The following VWC2L variants were observed in gnomAD, a reference collection of about 807,000 sequenced individuals.
The protein encoded by VWC2L is von Willebrand factor C domain containing 2 like.
Under a neutral mutation model 21.6 loss-of-function variants are expected in VWC2L, and 10 were observed. The ratio of observed to expected loss-of-function variants is 0.46; its 90% CI spans 0.29 to 0.78. The LOEUF (loss-of-function observed/expected upper bound fraction) is 0.78, where lower values mean the gene tolerates loss of function less well. Among genes scored for constraint, VWC2L ranks in the 30% least tolerant of loss-of-function variants. The probability of loss-of-function intolerance (pLI) is 0.10; values close to 1 mark genes in which losing one functional copy is unlikely to be tolerated. For missense variants in VWC2L, 209 were observed against 277.1 expected, an observed-to-expected ratio of 0.75 and a Z score of 1.74; for synonymous variants, 96 against 94.3, an observed-to-expected ratio of 1.02 and a Z score of -0.10.
intron 3 of VWC2L, among the ~76,000 whole-genome samples, chr2:214,482,056 T>C (rs1688610126): frequency 6.6e-6 from 1 of 152,142 alleles, no homozygotes; most frequent in Non-Finnish European, 1.5e-5. Flanking sequence ...AGTATCATGA[T>C]CTGGGATACT....
At chr2:214,553,199 A>G (rs1689821030) in intron 3 of VWC2L, among the ~76,000 whole-genome samples, 1 of 152,172 alleles carries the variant, frequency 6.6e-6, no homozygotes, top group South Asian at 2.1e-4. Flanking sequence ...AGAGCAACAG[A>G]AGTGATCTGG....
chr2:214,533,549 G>GGA (rs1689475864), intron 3 of VWC2L, among the ~76,000 whole-genome samples: 1 of 141,714 alleles, frequency 7.1e-6, no homozygotes, highest in South Asian at 2.3e-4. Flanking sequence ...AGGGGAAAAA[G>GGA]AAAAAAAAAA....
chr2:214,545,733 T>C (rs1428861889), intron 3 of VWC2L, among the ~76,000 whole-genome samples: 2 of 152,184 alleles, frequency 1.3e-5, no homozygotes, highest in Non-Finnish European at 2.9e-5. Context: ...GTGGGACTTA[T>C]TGGGGAAATC....
At chr2:214,417,620 T>C (rs575971181) in intron 2 of VWC2L, among the ~76,000 whole-genome samples, 1 of 151,810 alleles carries the variant, frequency 6.6e-6, no homozygotes, top group Non-Finnish European at 1.5e-5. Flanking sequence ...GGGAGATGGG[T>C]ATAATTGGAA....
chr2:214,507,316 T>G (rs998119559), intron 3 of VWC2L, among the ~76,000 whole-genome samples: 4 of 152,220 alleles, frequency 2.6e-5, no homozygotes, highest in African/African-American at 9.6e-5. Context: ...TTGAACTTTA[T>G]CTGAAGTCCT....
At chr2:214,489,117 C>G (rs1373862838) in intron 3 of VWC2L, among the ~76,000 whole-genome samples, 1 of 152,092 alleles carries the variant, frequency 6.6e-6, no homozygotes, top group Non-Finnish European at 1.5e-5. Context: ...TAACCAGAGG[C>G]CTGTTTTGGG....
At chr2:214,439,584 T>A (rs1202831181) in intron 3 of VWC2L, among the ~76,000 whole-genome samples, 1 of 152,002 alleles carries the variant, frequency 6.6e-6, no homozygotes, top group Non-Finnish European at 1.5e-5. Context: ...GCATAAATGC[T>A]TATTATCTTG....
chr2:214,533,210 T>C (rs144624764), intron 3 of VWC2L, among the ~76,000 whole-genome samples: 1 of 152,182 alleles, frequency 6.6e-6, no homozygotes, highest in South Asian at 2.1e-4. Flanking sequence ...ATCTCTCTCC[T>C]GGGATTGTTT....
At position 214,414,355 on chromosome 2, in the gene VWC2L, C is replaced by T. The variant is rs577942104; in HGVS notation, c.162C>T (p.Val54=). 5 of 1,613,638 alleles carry T rather than the reference C, an allele frequency of 3.1e-6. No individual in the cohort carries two copies. Among genetic ancestry groups the T allele is most frequent in the Admixed American group, 1.7e-5 (1 of 59,960 alleles). The change falls in exon 2 of 4, where the codon GTC becomes GTT. Residue 54 remains valine (V), a synonymous_variant. Coordinates refer to ENST00000312504, the MANE Select transcript of VWC2L (RefSeq NM_001080500.4). The part of the protein sequence containing the change: ...IFDDYRGKGC[V]DDSGFVYKLG... ...ATGACTATCGAGGGAAAGGGTGTGT[C>T]GATGACAGCGGCTTTGTATACAAGT...
chr2:214,436,410 CT>C (rs1702679734), intron 2 of VWC2L: 1 of 493,610 alleles, frequency 2.0e-6, no homozygotes, highest in African/African-American at 1.9e-5. Flanking sequence ...TACACGGGTG[CT>C]TTTCTTGTTC....
chr2:214,569,699 C>T (rs1690121482), intron 3 of VWC2L, among the ~76,000 whole-genome samples: 1 of 152,170 alleles, frequency 6.6e-6, no homozygotes, highest in Non-Finnish European at 1.5e-5. Context: ...TAGCCTTCTA[C>T]AGCCACTCAA....
intron 3 of VWC2L, among the ~76,000 whole-genome samples, chr2:214,531,930 A>G (rs1258621371): frequency 6.6e-6 from 1 of 152,142 alleles, no homozygotes; most frequent in African/African-American, 2.4e-5. Flanking sequence ...TCTGTAATCT[A>G]CAGTGTTTCA....
At chr2:214,446,325 T>C (rs1702837691) in intron 3 of VWC2L, among the ~76,000 whole-genome samples, 2 of 152,204 alleles carry the variant, frequency 1.3e-5, no homozygotes, top group Non-Finnish European at 2.9e-5. Flanking sequence ...ATAAAGTAGA[T>C]GTCAAAACAG....
chr2:214,524,494 G>T (rs190888360), intron 3 of VWC2L, among the ~76,000 whole-genome samples: 10 of 152,308 alleles, frequency 6.6e-5, no homozygotes, highest in Admixed American at 5.2e-4. Flanking sequence ...TAAACTAGAA[G>T]GACCTCTGAC....
intron 3 of VWC2L, among the ~76,000 whole-genome samples, chr2:214,490,290 C>T (rs1341361921): frequency 6.6e-6 from 1 of 151,794 alleles, no homozygotes; most frequent in Non-Finnish European, 1.5e-5. Context: ...GCCCCAAGTG[C>T]TTTAGGAATA....
Position 214,414,528 on chromosome 2 carries a change from T to A in VWC2L, c.335T>A (p.Val112Glu). The change falls in exon 2 of 4, where the codon GTA becomes GAA. Residue 112 changes from valine to glutamate, a missense_variant. By Grantham distance (121) the Val-to-Glu change is moderately radical. Transcript: ENST00000312504. The stretch of plus-strand genomic sequence containing the variant: ...GGATGCTGTCCTGAGTGCAAAGAAG[T>A]AAAAAACTTCTGTGAATATCACGGG... Reference protein sequence around the residue: ...HNGCCPECKEVKNFCEYHGKN... With the variant: ...HNGCCPECKEEKNFCEYHGKN... 3 of 1,612,814 alleles carry A rather than the reference T, an allele frequency of 1.9e-6. No homozygotes were observed. Among genetic ancestry groups the A allele is most frequent in the Non-Finnish European group, 2.5e-6 (3 of 1,179,536 alleles).
At chr2:214,477,279 G>T (rs1277368326) in intron 3 of VWC2L, among the ~76,000 whole-genome samples, 1 of 152,202 alleles carries the variant, frequency 6.6e-6, no homozygotes, top group African/African-American at 2.4e-5. Flanking sequence ...CCAAGCAATG[G>T]AAGGAGCCAG....
At chr2:214,570,663 G>T (rs574020917) in intron 3 of VWC2L, among the ~76,000 whole-genome samples, 1 of 151,464 alleles carries the variant, frequency 6.6e-6, no homozygotes, top group East Asian at 1.9e-4. Context: ...ATGCCCGGCA[G>T]GGAAAATTAC....
chr2:214,448,701 C>T (rs1429689996), intron 3 of VWC2L, among the ~76,000 whole-genome samples: 1 of 152,144 alleles, frequency 6.6e-6, no homozygotes, highest in African/African-American at 2.4e-5. Flanking sequence ...TACCCAGTAT[C>T]ATTCTCAATG....
Sources: allele counts gnomAD v4.1 joint callset (sites outside exome capture counted in the v4.1 genomes callset), GRCh38; gene constraint gnomAD v4.1.1; transcripts MANE v1.5; gene names NCBI Gene and HGNC (gene_info 2026-07-23, HGNC 2026-07-21).